Variants in LHX6 observed in about 807,000 individuals in gnomAD.
The protein encoded by LHX6 is LIM homeobox 6.
In LHX6, 15 loss-of-function variants were observed where a neutral mutation model predicts 47.1. That is an observed-to-expected ratio of 0.32 (90% confidence interval 0.21 to 0.49). The LOEUF (loss-of-function observed/expected upper bound fraction) is 0.49. Ranked by LOEUF, LHX6 falls within the 20% of genes least tolerant of loss-of-function variation. LHX6 has a pLI of 0.99. For missense variants in LHX6, 404 were observed against 539.6 expected (o/e 0.75, Z 2.49); for synonymous variants, 242 against 233.5 (o/e 1.04, Z -0.33).
rs1473921260 is a variant in LHX6 at position 122,210,329 on chromosome 9, A to T, written c.1055-612T>A. Among the ~76,000 whole-genome samples, 2 of 152,200 alleles carry T rather than the reference A, an allele frequency of 1.3e-5. 1 individual carries two copies. The highest frequency in any genetic ancestry group is 2.9e-5 in the Non-Finnish European group (2 of 68,042). ...TTTCATATTCATGCGCATGCAAGCA[A>T]GTCTGTACCCTGCCTATTCAGGCCC... On this transcript the variant is annotated intron_variant, in intron 8 of 9. Coordinates refer to ENST00000394319, the MANE Select transcript of LHX6 (RefSeq NM_014368.5).
intron 9 of LHX6, among the ~76,000 whole-genome samples, chr9:122,205,806 A>G (rs1254522934): frequency 6.6e-6 from 1 of 152,090 alleles, no homozygotes; most frequent in African/African-American, 2.4e-5. Flanking sequence ...CGGAGTGGGA[A>G]CTATTATTAT....
Position 122,217,332 on chromosome 9 carries a change from G to A in LHX6, c.462-44C>T. On this transcript the variant is annotated intron_variant, in intron 4 of 9. Coordinates refer to ENST00000394319, the MANE Select transcript of LHX6 (RefSeq NM_014368.5). The surrounding 1 kb of genome is among the most constrained non-coding windows in gnomAD (Gnocchi z 4.9). The stretch of plus-strand genomic sequence containing the variant: ...GGCACGGGGTGTCGAGACTCAGACA[G>A]GCCAACCTTCCTCCTTCCACCACCC... The A allele has an allele frequency of 4.0e-6, 6 of 1,518,828 alleles. No individual in the cohort carries two copies. The highest frequency in any genetic ancestry group is 2.3e-5 in the East Asian group (1 of 42,906). 94.1% of individuals were successfully genotyped at this position (1,518,828 alleles called of 1,614,324 possible).
chr9:122,220,334 C>G (rs1297175109), intron 4 of LHX6, among the ~76,000 whole-genome samples: 1 of 152,196 alleles, frequency 6.6e-6, no homozygotes, highest in African/African-American at 2.4e-5. Context: ...ATCGTCCTCG[C>G]GCCAGATCCT....
chr9:122,222,031 G>A (rs1236953454), intron 4 of LHX6, among the ~76,000 whole-genome samples: 1 of 152,206 alleles, frequency 6.6e-6, no homozygotes, highest in African/African-American at 2.4e-5. Flanking sequence ...AGAATTAAAT[G>A]AGATAAAGCA....
chr9:122,226,296 C>T lies in LHX6; in HGVS notation c.461+80G>A. 3 of 1,523,312 alleles carry T rather than the reference C, an allele frequency of 2.0e-6. No individual in the cohort carries two copies. Among genetic ancestry groups the T allele is most frequent in the Non-Finnish European group, 2.6e-6 (3 of 1,132,844 alleles). The allele number at this position is 1,523,312 out of a possible 1,614,324, so 94.4% of individuals were successfully genotyped here. A position where few individuals can be genotyped will look rare whatever the true frequency, so the allele number is the denominator to read the frequency against. On this transcript the variant is annotated intron_variant, in intron 4 of 9. Transcript: ENST00000394319. The surrounding 1 kb of genome is among the most constrained non-coding windows in gnomAD (Gnocchi z 6.5). ...GGACGCCGGGGTTCTGGAGGAGAGACCACACGCCGCAAAAGTGGCCTCCGA... is the reference window on the plus strand; with the variant it reads ...GGACGCCGGGGTTCTGGAGGAGAGATCACACGCCGCAAAAGTGGCCTCCGA...
chr9:122,227,499 G>GTGCA lies in LHX6; in HGVS notation c.85-20_85-19insTGCA. ...CCATCACCTGGGGGAGGGGGGGAGG[G>GTGCA]AACGCAGGCGGCGGCGGCTGCTGAA... is the stretch of plus-strand genomic sequence containing the variant. On this transcript the variant is annotated intron_variant, in intron 1 of 9. Coordinates refer to ENST00000394319, the MANE Select transcript of LHX6 (RefSeq NM_014368.5). 1.5e-6 allele frequency: 1 copy of GTGCA among 656,308 alleles called. No homozygotes were observed. 40.7% of individuals were successfully genotyped at this position (656,308 alleles called of 1,614,324 possible).
At chr9:122,209,064 G>C (rs1830301434) in intron 9 of LHX6, among the ~76,000 whole-genome samples, 1 of 152,182 alleles carries the variant, frequency 6.6e-6, no homozygotes, top group Non-Finnish European at 1.5e-5. Context: ...TTTAAACAAA[G>C]GGTTGCATTG....
chr9:122,225,575 C>T (rs2118911328), intron 4 of LHX6, among the ~76,000 whole-genome samples: 1 of 152,372 alleles, frequency 6.6e-6, no homozygotes, highest in South Asian at 2.1e-4. Context: ...GGTAATCCCA[C>T]TCAGGGCTCC....
intron 9 of LHX6, among the ~76,000 whole-genome samples, chr9:122,208,437 C>A (rs1830270336): frequency 1.3e-5 from 2 of 152,184 alleles, no homozygotes; most frequent in Admixed American, 1.3e-4. Context: ...AGGGTAGGGA[C>A]CACACTTTAC....
At position 122,213,518 on chromosome 9, in the gene LHX6, C is replaced by G. The variant is rs1192149895; in HGVS notation, c.1054+88G>C. The G allele has an allele frequency of 3.2e-6, 4 of 1,259,474 alleles. No individual in the cohort carries two copies. Among genetic ancestry groups the G allele is most frequent in the African/African-American group, 1.5e-5 (1 of 66,774 alleles). The allele number at this position is 1,259,474 out of a possible 1,614,324, so 78.0% of individuals were successfully genotyped here. On this transcript the variant is annotated intron_variant, in intron 8 of 9. Coordinates refer to ENST00000394319, the MANE Select transcript of LHX6 (RefSeq NM_014368.5). This position sits in a 1 kb window ranked among gnomAD's most constrained non-coding sequence, Gnocchi z 5.5. ...CCACGAGGCTCCCCAAGGCCCTCCA[C>G]CCCACGCCTCGGCCTCAGCCGCCCA...
At chr9:122,221,379 G>C (rs1190536107) in intron 4 of LHX6, 1 of 985,562 alleles carries the variant, frequency 1.0e-6, no homozygotes, top group Non-Finnish European at 1.2e-6. Context: ...CCGCGGTGGG[G>C]GGCCGCTTCC....
chr9:122,204,513 C>A lies in LHX6; in HGVS notation c.*247G>T. The A allele has an allele frequency of 2.4e-6, 1 of 423,452 alleles. No homozygotes were observed. The allele number at this position is 423,452 out of a possible 1,614,324, so 26.2% of individuals were successfully genotyped here. A position where few individuals can be genotyped will look rare whatever the true frequency, so the allele number is the denominator to read the frequency against. ...AATGGGAAAAACAGGCTGTTTCCACCCTGATTCCAGATTTCAGGGAGTTCT... is the reference window on the plus strand; with the variant it reads ...AATGGGAAAAACAGGCTGTTTCCACACTGATTCCAGATTTCAGGGAGTTCT... On this transcript the variant is annotated 3_prime_UTR_variant, in exon 10 of 10. Transcript: ENST00000394319.
intron 8 of LHX6, among the ~76,000 whole-genome samples, chr9:122,212,023 G>C (rs1474997495): frequency 1.3e-5 from 2 of 151,656 alleles, no homozygotes; most frequent in Non-Finnish European, 2.9e-5. Flanking sequence ...CTGGCAGCCT[G>C]GTGCGAAGAC....
At chr9:122,228,287 C>A in intron 1 of LHX6, 1 of 1,535,096 alleles carries the variant, frequency 6.5e-7, no homozygotes, top group East Asian at 2.5e-5. Context: ...CACCCTCCAG[C>A]CCCTCGGCGC....
At chr9:122,225,019 G>T (rs1831033612) in intron 4 of LHX6, among the ~76,000 whole-genome samples, 1 of 152,110 alleles carries the variant, frequency 6.6e-6, no homozygotes. Context: ...GCTTCTCATG[G>T]TTTTCAGAGT....
chr9:122,207,594 C>G (rs1215741758), intron 9 of LHX6, among the ~76,000 whole-genome samples: 1 of 152,154 alleles, frequency 6.6e-6, no homozygotes, highest in Non-Finnish European at 1.5e-5. Flanking sequence ...CTGGGGCATG[C>G]TCACTCACTA....
chr9:122,227,295 C>T, intron 2 of LHX6, 114 bp downstream of exon 2: 5 of 1,133,334 alleles, frequency 4.4e-6, no homozygotes, highest in Non-Finnish European at 5.9e-6. Context: ...GGGCGGCGCC[C>T]GCCGGGAGTC....
At chr9:122,221,647 G>T (rs1016053130) in intron 4 of LHX6, 2 of 985,354 alleles carry the variant, frequency 2.0e-6, no homozygotes, top group African/African-American at 1.7e-5. Flanking sequence ...GCCAGGGACC[G>T]CAGTGACCTG....
chr9:122,217,401 C>T lies in LHX6; in HGVS notation c.462-113G>A. 2 of 782,352 alleles carry T rather than the reference C, an allele frequency of 2.6e-6. No individual in the cohort carries two copies. Among genetic ancestry groups the T allele is most frequent in the Middle Eastern group, 3.7e-4 (1 of 2,674 alleles). 48.5% of individuals were successfully genotyped at this position (782,352 alleles called of 1,614,324 possible). A position where few individuals can be genotyped will look rare whatever the true frequency, so the allele number is the denominator to read the frequency against. ...AGGCTCCTGGCCTCTAAGTCTTCAACTCAGGCATTAGCCTTAGCTTGGACG... is the reference window on the plus strand; with the variant it reads ...AGGCTCCTGGCCTCTAAGTCTTCAATTCAGGCATTAGCCTTAGCTTGGACG... On this transcript the variant is annotated intron_variant, in intron 4 of 9. Coordinates refer to ENST00000394319, the MANE Select transcript of LHX6 (RefSeq NM_014368.5). This position sits in a 1 kb window ranked among gnomAD's most constrained non-coding sequence, Gnocchi z 4.9.
Sources: allele counts gnomAD v4.1 joint callset (sites outside exome capture counted in the v4.1 genomes callset), GRCh38; gene constraint gnomAD v4.1.1; non-coding constraint Gnocchi (gnomAD v3.1); transcripts MANE v1.5; gene names NCBI Gene and HGNC (gene_info 2026-07-23, HGNC 2026-07-21).